The following ZNF532 variants were observed in gnomAD, a reference collection of about 807,000 sequenced individuals.
ZNF532 encodes zinc finger protein 532.
In ZNF532, 22 loss-of-function variants were observed where a neutral mutation model predicts 89.3. The ratio of observed to expected loss-of-function variants is 0.25; its 90% CI spans 0.18 to 0.35. The LOEUF is 0.35. Among genes scored for constraint, ZNF532 ranks in the 10% least tolerant of loss-of-function variants. The pLI, the probability that ZNF532 is intolerant of heterozygous loss-of-function variation, is 1.00. For synonymous variants in ZNF532, 606 were observed against 649.6 expected (o/e 0.93, Z 1.02); for missense variants, 1,132 against 1,643.4 (o/e 0.69, Z 5.38).
intron 4 of ZNF532, among the ~76,000 whole-genome samples, chr18:58,936,525 A>G (rs150515677): frequency 0.017 from 2,549 of 152,352 alleles, 27 homozygotes; most frequent in Non-Finnish European, 0.026. Context: ...GGCTGAAAGT[A>G]ATCAACTCAC....
At chr18:58,942,948 A>G (rs995456062) in intron 5 of ZNF532, among the ~76,000 whole-genome samples, 5 of 152,186 alleles carry the variant, frequency 3.3e-5, no homozygotes, top group Admixed American at 2.0e-4. Flanking sequence ...TGTATGAAAA[A>G]ATACCCAGCA....
rs1324250976 is a variant in ZNF532 at position 58,880,505 on chromosome 18, A to AT, written c.-18+14927dup. Among the ~76,000 whole-genome samples the AT allele has an allele frequency of 2.6e-5, 4 of 152,184 alleles. No homozygotes were observed. The East Asian group carries it at 7.7e-4, about 29-fold the overall frequency. On this transcript the variant is annotated intron_variant, in intron 2 of 9. Coordinates refer to ENST00000591808, the MANE Select transcript of ZNF532 (RefSeq NM_001375912.1). ...TTCTTTAATACAATTGCCAGAGTGG[A>AT]TGAGCTCTTTTGAGTGTGGAAAGTG...
chr18:58,916,830 C>A, intron 2 of ZNF532: 1 of 643,588 alleles, frequency 1.6e-6, no homozygotes, highest in Non-Finnish European at 1.9e-6. Context: ...TCTCTCTTGA[C>A]CCTGGAATAG....
At chr18:58,928,682 A>G (rs2061719031) in intron 3 of ZNF532, among the ~76,000 whole-genome samples, 1 of 152,220 alleles carries the variant, frequency 6.6e-6, no homozygotes, top group Admixed American at 6.5e-5. Context: ...TCCAGGGAGC[A>G]TGGAATCAAG....
At chr18:58,968,622 C>T (rs2066156700) in intron 7 of ZNF532, among the ~76,000 whole-genome samples, 4 of 152,196 alleles carry the variant, frequency 2.6e-5, no homozygotes, top group Admixed American at 1.3e-4. Context: ...GAATCCATGG[C>T]AGGTAGAGCG....
At chr18:58,880,763 C>CTGTGTGTGTGTGTGTGTGTGT (rs770638520) in intron 2 of ZNF532, among the ~76,000 whole-genome samples, 7,931 of 119,278 alleles carry the variant, frequency 0.066, 531 homozygotes, top group Middle Eastern at 0.079. Context: ...CGCGCGCGCA[C>CTGTGTGTGTGTGTGTGTGTGT]GCGCGCGCGT....
chr18:58,888,752 TATAAAATTA>T lies in ZNF532; in HGVS notation c.-18+23177_-18+23185del, dbSNP rs1602663325. 2.2e-3 allele frequency among the ~76,000 whole-genome samples: 87 copies of T among 40,150 alleles called. 3 individuals carry two copies. The highest frequency in any genetic ancestry group is 8.8e-3 in the African/African-American group (73 of 8,270). 26.3% of individuals were successfully genotyped at this position (40,150 alleles called of 152,430 possible). A position where few individuals can be genotyped will look rare whatever the true frequency, so the allele number is the denominator to read the frequency against. On this transcript the variant is annotated intron_variant, in intron 2 of 9. Coordinates refer to ENST00000591808, the MANE Select transcript of ZNF532 (RefSeq NM_001375912.1). ...ATTATATATATATATTTTATATATA[TATAAAATTA>T]ATATATATAATTTATATATATATAA...
upstream of ZNF532, chr18:58,863,401 G>T: frequency 7.6e-6 from 1 of 131,780 alleles, no homozygotes; most frequent in South Asian, 2.2e-4. Flanking sequence ...CGCCGGCCGC[G>T]GGGCTTCGCG....
chr18:58,916,611 G>A (rs985231407), intron 2 of ZNF532: 19 of 625,640 alleles, frequency 3.0e-5, no homozygotes, highest in Admixed American at 6.3e-5. Context: ...ACCGAGACAG[G>A]TGTGAATAGA....
rs2060911493 is a variant in ZNF532, at chr18:58,920,033, A to G, written c.1746A>G (p.Glu582=). 1 of 1,613,746 alleles carries G rather than the reference A, an allele frequency of 6.2e-7. No homozygotes were observed. Among genetic ancestry groups the G allele is most frequent in the African/African-American group, 1.3e-5 (1 of 74,914 alleles). Reference sequence around the variant, plus strand: ...CGTCCTTGCAGAGTTCTGTGGTGGAAGCTTTCAACAAGGTGCTGAGCAGTG... The same window carrying G: ...CGTCCTTGCAGAGTTCTGTGGTGGAGGCTTTCAACAAGGTGCTGAGCAGTG... The part of the protein sequence containing the change: ...VVSSLQSSVV[E]AFNKVLSSVN... Residue 582 remains glutamate (E), a synonymous_variant, in exon 3 of 10, where the codon GAA becomes GAG. Coordinates refer to ENST00000591808, the MANE Select transcript of ZNF532 (RefSeq NM_001375912.1).
At chr18:58,937,137 A>G (rs1378290321) in intron 4 of ZNF532, among the ~76,000 whole-genome samples, 1 of 152,152 alleles carries the variant, frequency 6.6e-6, no homozygotes, top group African/African-American at 2.4e-5. Flanking sequence ...TGGTTATAGG[A>G]TTTTATACTG....
At chr18:58,970,432 G>C (rs193157354) in intron 7 of ZNF532, among the ~76,000 whole-genome samples, 2 of 152,202 alleles carry the variant, frequency 1.3e-5, no homozygotes, top group Non-Finnish European at 2.9e-5. Flanking sequence ...AACCAGGGAG[G>C]CTTCAAAGGT....
intron 2 of ZNF532, among the ~76,000 whole-genome samples, chr18:58,912,727 T>G (rs921159963): frequency 2.6e-5 from 4 of 152,214 alleles, no homozygotes; most frequent in African/African-American, 7.2e-5. Flanking sequence ...GGCAAGTAAT[T>G]AAGAGATTCC....
At chr18:58,943,808 G>A (rs2063425268) in intron 5 of ZNF532, among the ~76,000 whole-genome samples, 1 of 152,038 alleles carries the variant, frequency 6.6e-6, no homozygotes, top group South Asian at 2.1e-4. Flanking sequence ...TTTTTTCCTT[G>A]ACTGCTGATT....
At chr18:58,911,453 G>T (rs1319741181) in intron 2 of ZNF532, among the ~76,000 whole-genome samples, 1 of 152,222 alleles carries the variant, frequency 6.6e-6, no homozygotes, top group African/African-American at 2.4e-5. Flanking sequence ...CTTAGGCCAG[G>T]CAGGGTTGCT....
At position 58,951,810 on chromosome 18, in the gene ZNF532, C is replaced by T. The variant is rs529781484; in HGVS notation, c.2869-1708C>T. Among the ~76,000 whole-genome samples the T allele has an allele frequency of 3.3e-5, 5 of 152,092 alleles. No homozygotes were observed. The South Asian group carries it at 8.3e-4, about 25-fold the overall frequency. ...GACTACAGGCACCTGCCACCATGCA[C>T]GGCTAATTTTTTGTATTTTTAGTAG... On this transcript the variant is annotated intron_variant, in intron 6 of 9. Coordinates refer to ENST00000591808, the MANE Select transcript of ZNF532 (RefSeq NM_001375912.1).
Position 58,970,087 on chromosome 18 carries a change from T to C in ZNF532, c.3151-8968T>C, listed in dbSNP as rs995871002. On this transcript the variant is annotated intron_variant, in intron 7 of 9. Transcript: ENST00000591808. Reference sequence around the variant, plus strand: ...TTTTAATAGAGATGGGGTTTCACTATGTTGGTCAGGCTGGTCTCAAACTCC... The same window carrying C: ...TTTTAATAGAGATGGGGTTTCACTACGTTGGTCAGGCTGGTCTCAAACTCC... 1.7e-4 allele frequency among the ~76,000 whole-genome samples: 26 copies of C among 152,270 alleles called. No homozygotes were observed. In the East Asian group the frequency reaches 4.8e-3, roughly 28 times the overall value.
chr18:58,956,852 C>T (rs887916003), intron 7 of ZNF532, among the ~76,000 whole-genome samples: 13 of 152,134 alleles, frequency 8.5e-5, no homozygotes, highest in African/African-American at 1.7e-4. Context: ...TCACCATTAC[C>T]GGAACACCCA....
At chr18:58,897,904 A>C (rs2059352505) in intron 2 of ZNF532, among the ~76,000 whole-genome samples, 1 of 152,236 alleles carries the variant, frequency 6.6e-6, no homozygotes, top group South Asian at 2.1e-4. Flanking sequence ...GTGAGCCGAG[A>C]CCATGCTACT....
Sources: allele counts gnomAD v4.1 joint callset (sites outside exome capture counted in the v4.1 genomes callset), GRCh38; gene constraint gnomAD v4.1.1; transcripts MANE v1.5; gene names NCBI Gene and HGNC (gene_info 2026-07-23, HGNC 2026-07-21).